Variants in KASH5 observed in about 807,000 individuals in gnomAD.
KASH5 encodes KASH domain containing 5.
Under a neutral mutation model 84.2 loss-of-function variants are expected in KASH5, and 72 were observed. The ratio of observed to expected loss-of-function variants is 0.85; its 90% CI spans 0.71 to 1.04. The LOEUF is 1.04. Among genes scored for constraint, KASH5 ranks in the 50% least tolerant of loss-of-function variants. KASH5 has a pLI of 0.00. For missense variants in KASH5, 650 were observed against 701.0 expected, an observed-to-expected ratio of 0.93 and a Z score of 0.82; for synonymous variants, 260 against 279.1, an observed-to-expected ratio of 0.93 and a Z score of 0.68.
At position 49,412,094 on chromosome 19, in the gene KASH5, C is replaced by T. The variant is rs149996809; in HGVS notation, c.1270-874C>T. ...GACTAGTGAGAGATGAGGCCAGGGC[C>T]AGATCATGAAAGGAAATCTCTGACA... On this transcript the variant is annotated intron_variant, in intron 15 of 19. Transcript: ENST00000447857. This position sits in a 1 kb window ranked among gnomAD's most constrained non-coding sequence, Gnocchi z 4.6. Among the ~76,000 whole-genome samples the T allele has an allele frequency of 6.6e-6, 1 of 152,190 alleles. No homozygotes were observed. Among genetic ancestry groups the T allele is most frequent in the Non-Finnish European group, 1.5e-5 (1 of 68,014 alleles).
chr19:49,407,162 C>T (rs1272469681), intron 10 of KASH5, 78 bp from the exon 11 acceptor site: 3 of 1,520,306 alleles, frequency 2.0e-6, no homozygotes, highest in Non-Finnish European at 2.7e-6. Flanking sequence ...TGCGAGAGAA[C>T]AGGTGGGGCC....
chr19:49,389,220 AG>A (rs1973918567), intron 1 of KASH5, among the ~76,000 whole-genome samples: 1 of 133,086 alleles, frequency 7.5e-6, no homozygotes, highest in Non-Finnish European at 1.6e-5. Context: ...AAATCCAATC[AG>A]ACCCCCGCAG....
At chr19:49,404,184 A>G (rs536835018) in intron 9 of KASH5, among the ~76,000 whole-genome samples, 1 of 152,150 alleles carries the variant, frequency 6.6e-6, no homozygotes, top group African/African-American at 2.4e-5. Context: ...CAGCTGATGG[A>G]GGACTTGGAG....
At chr19:49,393,099 CAT>C (rs1568608723) in intron 2 of KASH5, among the ~76,000 whole-genome samples, 1 of 152,154 alleles carries the variant, frequency 6.6e-6, no homozygotes, top group Non-Finnish European at 1.5e-5. Flanking sequence ...AAAGTTGACT[CAT>C]ATGTTAAACA....
At chr19:49,401,454 T>C (rs1170597387) in intron 9 of KASH5, among the ~76,000 whole-genome samples, 1 of 152,158 alleles carries the variant, frequency 6.6e-6, no homozygotes, top group East Asian at 1.9e-4. Flanking sequence ...AGGGCTGGGG[T>C]GGGCAGAGGT....
chr19:49,396,936 T>G (rs529048020), intron 5 of KASH5, among the ~76,000 whole-genome samples: 1 of 152,078 alleles, frequency 6.6e-6, no homozygotes, highest in South Asian at 2.1e-4. Context: ...CATGTACCTG[T>G]GGTCCTAGCC....
intron 17 of KASH5, 132 bp downstream of exon 17, chr19:49,415,128 C>A: frequency 2.3e-6 from 2 of 863,894 alleles, no homozygotes; most frequent in Non-Finnish European, 3.8e-6. Context: ...ATCATTTGGC[C>A]AAGAGATAAC....
intron 9 of KASH5, among the ~76,000 whole-genome samples, chr19:49,404,814 T>C (rs1214190531): frequency 6.6e-6 from 1 of 152,224 alleles, no homozygotes; most frequent in Non-Finnish European, 1.5e-5. Context: ...TGGCACAATT[T>C]GATATGTATA....
chr19:49,410,449 A>G (rs1311561450), intron 15 of KASH5, among the ~76,000 whole-genome samples: 3 of 150,542 alleles, frequency 2.0e-5, no homozygotes, highest in Admixed American at 1.3e-4. Flanking sequence ...CAGCCTCCCA[A>G]GTAGCTGGGA....
intron 15 of KASH5, among the ~76,000 whole-genome samples, chr19:49,411,456 T>C (rs563224478): frequency 6.6e-6 from 1 of 152,360 alleles, no homozygotes; most frequent in African/African-American, 2.4e-5. Flanking sequence ...AGTATCTCTG[T>C]AAGGCAGGCA....
intron 9 of KASH5, among the ~76,000 whole-genome samples, chr19:49,404,898 A>T (rs556581098): frequency 1.3e-5 from 2 of 152,334 alleles, no homozygotes; most frequent in East Asian, 3.9e-4. Flanking sequence ...AGTTTATAAG[A>T]AATAATGATA....
chr19:49,399,698 G>A lies in KASH5; in HGVS notation c.798+191G>A. 2 of 1,453,992 alleles carry A rather than the reference G, an allele frequency of 1.4e-6. No individual in the cohort carries two copies. Among genetic ancestry groups the A allele is most frequent in the East Asian group, 2.5e-5 (1 of 39,844 alleles). The allele number at this position is 1,453,992 out of a possible 1,614,324, so 90.1% of individuals were successfully genotyped here. A position where few individuals can be genotyped will look rare whatever the true frequency, so the allele number is the denominator to read the frequency against. On this transcript the variant is annotated intron_variant, in intron 9 of 19. Coordinates refer to ENST00000447857, the MANE Select transcript of KASH5 (RefSeq NM_144688.5). The surrounding 1 kb of genome is among the most constrained non-coding windows in gnomAD (Gnocchi z 4.4). ...GTGGTTTACAAGAGTGTGAGGCATG[G>A]GGTCAGCCTACATGGCTTCAGGCTG...
Position 49,417,926 on chromosome 19 carries a change from C to T in KASH5, c.*416C>T, listed in dbSNP as rs76772181. The T allele has an allele frequency of 0.024, 4,041 of 170,158 alleles. 142 individuals are homozygous for T. The highest frequency in any genetic ancestry group is 0.077 in the African/African-American group (3,255 of 42,180). The allele number at this position is 170,158 out of a possible 1,614,324, so 10.5% of individuals were successfully genotyped here. A position where few individuals can be genotyped will look rare whatever the true frequency, so the allele number is the denominator to read the frequency against. ...CCTTTTTATAAAGAGAGGCAGTAGC[C>T]TCAGTGTGCAGTGGGTAGATTCAAA... On this transcript the variant is annotated 3_prime_UTR_variant, in exon 20 of 20. Transcript: ENST00000447857. The surrounding 1 kb of genome is among the most constrained non-coding windows in gnomAD (Gnocchi z 5.2).
chr19:49,406,019 T>G (rs1179347199), intron 9 of KASH5, among the ~76,000 whole-genome samples: 3 of 139,822 alleles, frequency 2.1e-5, no homozygotes, highest in African/African-American at 8.2e-5. Flanking sequence ...TCCCAGCTAC[T>G]AGGGAGGCTG....
At position 49,395,147 on chromosome 19, in the gene KASH5, G is replaced by A. The variant is rs191973091; in HGVS notation, c.190G>A (p.Val64Met). The change falls in exon 4 of 20, where the codon GTG (valine) becomes ATG (methionine). Residue 64 changes from valine (V) to methionine (M), a missense_variant. By Grantham distance (21) the Val-to-Met change is conservative. Transcript: ENST00000447857. This position sits in a 1 kb window ranked among gnomAD's most constrained non-coding sequence, Gnocchi z 4.4. ...VAQVLAYLEA[V>M]TGQGPQDARL... is the part of the protein sequence containing the mutation. ...CCAGGTGCTGGCCTACCTGGAGGCT[G>A]TGACAGGCCAGGGCCCCCAGGATGC... 8.3e-3 allele frequency: 13,315 copies of A among 1,612,344 alleles called. 89 individuals are homozygous for A. The highest frequency in any genetic ancestry group is 8.6e-3 in the Non-Finnish European group (10,185 of 1,179,456).
chr19:49,392,771 G>C (rs1387689601), intron 2 of KASH5, among the ~76,000 whole-genome samples: 1 of 152,174 alleles, frequency 6.6e-6, no homozygotes, highest in African/African-American at 2.4e-5. Context: ...AATTAGCTGG[G>C]CCTGGTAGCA....
At chr19:49,391,386 C>T (rs567244488) in intron 2 of KASH5, among the ~76,000 whole-genome samples, 3 of 152,216 alleles carry the variant, frequency 2.0e-5, no homozygotes, top group South Asian at 2.1e-4. Context: ...CCTAGAGCAG[C>T]GCTGTCCTGT....
At chr19:49,400,100 G>A (rs987803619) in intron 9 of KASH5, among the ~76,000 whole-genome samples, 6 of 151,840 alleles carry the variant, frequency 4.0e-5, no homozygotes, top group African/African-American at 1.5e-4. Flanking sequence ...ATGGTAGTGT[G>A]CACCTGTAGT....
Position 49,412,740 on chromosome 19 carries a change from C to T in KASH5, c.1270-228C>T, listed in dbSNP as rs1974760756. ...GGGGCTTGGTGGCATCGAGAACAAC[C>T]CTTTGGTTTTTGGCTTCTGCCCTTA... On this transcript the variant is annotated intron_variant, in intron 15 of 19. Transcript: ENST00000447857. The surrounding 1 kb of genome is among the most constrained non-coding windows in gnomAD (Gnocchi z 4.6). 6.6e-6 allele frequency among the ~76,000 whole-genome samples: 1 copy of T among 152,130 alleles called. No homozygotes were observed. The highest frequency in any genetic ancestry group is 6.6e-5 in the Admixed American group (1 of 15,264).
Sources: allele counts gnomAD v4.1 joint callset (sites outside exome capture counted in the v4.1 genomes callset), GRCh38; gene constraint gnomAD v4.1.1; non-coding constraint Gnocchi (gnomAD v3.1); transcripts MANE v1.5; gene names NCBI Gene and HGNC (gene_info 2026-07-23, HGNC 2026-07-21).